PRDM16: variants seen among roughly 807,000 people sequenced by gnomAD.
The protein encoded by PRDM16 is PR/SET domain 16.
PRDM16 carries 23 observed loss-of-function variants against 110.6 expected under a neutral mutation model. That is an observed-to-expected ratio of 0.21 (90% CI 0.15 to 0.29). The LOEUF (loss-of-function observed/expected upper bound fraction) is 0.29. PRDM16 is among the 10% of genes least tolerant of loss of function. PRDM16 has a pLI of 1.00. For synonymous variants in PRDM16, 799 were observed against 781.8 expected (o/e 1.02, Z -0.37); for missense variants, 1,615 against 1,794.3 (o/e 0.90, Z 1.81).
intron 1 of PRDM16, among the ~76,000 whole-genome samples, chr1:3,128,404 T>C (rs1481715344): frequency 6.6e-6 from 1 of 152,220 alleles, no homozygotes; most frequent in Non-Finnish European, 1.5e-5. Context: ...TCCTGCCTTT[T>C]TCTGATCACG....
At position 3,425,785 on chromosome 1, in the gene PRDM16, C is replaced by A; in HGVS notation, c.3109+35C>A. On this transcript the variant is annotated intron_variant, in intron 13 of 16. Transcript: ENST00000270722. The surrounding 1 kb of genome is among the most constrained non-coding windows in gnomAD (Gnocchi z 6.9). ...GCGGGGTGGGGCAGCCCCCAGAGCACCCACACGGGCAGGCCCCACAGAGGG... is the reference window on the plus strand; with the variant it reads ...GCGGGGTGGGGCAGCCCCCAGAGCAACCACACGGGCAGGCCCCACAGAGGG... 3 of 1,610,062 alleles carry A rather than the reference C, an allele frequency of 1.9e-6. No homozygotes were observed. The highest frequency in any genetic ancestry group is 2.5e-6 in the Non-Finnish European group (3 of 1,177,964).
At chr1:3,408,593 T>A (rs1246070100) in intron 8 of PRDM16, among the ~76,000 whole-genome samples, 1 of 126,276 alleles carries the variant, frequency 7.9e-6, no homozygotes, top group Non-Finnish European at 1.6e-5. Flanking sequence ...TGAGTGTGGG[T>A]GTGTGAGCTG....
chr1:3,281,249 T>C (rs986101697), intron 3 of PRDM16, among the ~76,000 whole-genome samples: 1 of 152,230 alleles, frequency 6.6e-6, no homozygotes, highest in Non-Finnish European at 1.5e-5. Flanking sequence ...CTGTGGGCAC[T>C]GTCGCCCAGG....
intron 3 of PRDM16, among the ~76,000 whole-genome samples, chr1:3,352,968 G>T (rs552278779): frequency 6.6e-6 from 1 of 152,186 alleles, no homozygotes; most frequent in East Asian, 1.9e-4. Context: ...TGCAGGCTTC[G>T]GGGCCCATGC....
intron 3 of PRDM16, among the ~76,000 whole-genome samples, chr1:3,293,079 GA>G (rs1478265996): frequency 6.6e-6 from 1 of 152,254 alleles, no homozygotes; most frequent in Non-Finnish European, 1.5e-5. Context: ...CATCGCCCAT[GA>G]GGGCAGGGAC....
In PRDM16 at chr1:3,190,887, G is replaced by A. The variant is rs542644487; in HGVS notation, c.387+4413G>A. On this transcript the variant is annotated intron_variant, in intron 2 of 16. Coordinates refer to ENST00000270722, the MANE Select transcript of PRDM16 (RefSeq NM_022114.4). The surrounding 1 kb of genome is among the most constrained non-coding windows in gnomAD (Gnocchi z 5.0). The stretch of plus-strand genomic sequence containing the variant: ...CGGCTGCCCGGTGACAGCCCAGAGG[G>A]AGGAGGCCATGGGTGAGGCACTGGG... Among the ~76,000 whole-genome samples, 3 of 152,336 alleles carry A rather than the reference G, an allele frequency of 2.0e-5. No individual in the cohort carries two copies. Among genetic ancestry groups the A allele is most frequent in the Admixed American group, 6.5e-5 (1 of 15,310 alleles).
intron 2 of PRDM16, among the ~76,000 whole-genome samples, chr1:3,225,574 G>A (rs1250180882): frequency 1.5e-5 from 2 of 135,116 alleles, no homozygotes; most frequent in African/African-American, 6.7e-5. Flanking sequence ...GTGTGTGTGT[G>A]CGCGCGCGCA....
At chr1:3,262,795 G>A (rs1304416569) in intron 3 of PRDM16, among the ~76,000 whole-genome samples, 1 of 152,172 alleles carries the variant, frequency 6.6e-6, no homozygotes, top group African/African-American at 2.4e-5. Context: ...CACCTGCGGG[G>A]TGCTGCCACG....
At chr1:3,181,705 GTCTT>G (rs1557510133) in intron 1 of PRDM16, among the ~76,000 whole-genome samples, 1,805 of 63,448 alleles carry the variant, frequency 0.028, 100 homozygotes, top group South Asian at 0.055. Flanking sequence ...CTTACACACG[GTCTT>G]ACACACGCAG....
At chr1:3,155,580 G>T (rs796348832) in intron 1 of PRDM16, among the ~76,000 whole-genome samples, 1 of 152,254 alleles carries the variant, frequency 6.6e-6, no homozygotes, top group Non-Finnish European at 1.5e-5. Flanking sequence ...GCGTTGCCGC[G>T]TCTCACCCGG....
chr1:3,284,896 G>A (rs931538347), intron 3 of PRDM16, among the ~76,000 whole-genome samples: 2 of 152,220 alleles, frequency 1.3e-5, no homozygotes, highest in Non-Finnish European at 2.9e-5. Flanking sequence ...GGCAGCTTCC[G>A]AGCTTGGTGC....
In PRDM16 at chr1:3,394,314, G is replaced by C. The variant is rs1248089987; in HGVS notation, c.574-2177G>C. On this transcript the variant is annotated intron_variant, in intron 4 of 16. Transcript: ENST00000270722. Reference sequence around the variant, plus strand: ...TTGGGGTGTGGATCCCGGGAGGCTCGGAGGCGCTCGGAGGCTCTCGGAGGG... The same window carrying C: ...TTGGGGTGTGGATCCCGGGAGGCTCCGAGGCGCTCGGAGGCTCTCGGAGGG... Among the ~76,000 whole-genome samples, 3 of 150,270 alleles carry C rather than the reference G, an allele frequency of 2.0e-5. No individual in the cohort carries two copies. The East Asian group carries it at 6.0e-4, about 30-fold the overall frequency.
intron 3 of PRDM16, among the ~76,000 whole-genome samples, chr1:3,262,177 A>G (rs1459629026): frequency 3.3e-5 from 5 of 152,278 alleles, no homozygotes; most frequent in Non-Finnish European, 7.3e-5. Context: ...AGTGAGGGGC[A>G]TTGAACCCAG....
intron 1 of PRDM16, among the ~76,000 whole-genome samples, chr1:3,182,651 G>A (rs776171057): frequency 6.6e-5 from 10 of 152,166 alleles, no homozygotes; most frequent in South Asian, 4.1e-4. Context: ...AGAGGTCACC[G>A]TGGGCTCCCA....
At chr1:3,195,677 C>A (rs538782784) in intron 2 of PRDM16, among the ~76,000 whole-genome samples, 3 of 152,044 alleles carry the variant, frequency 2.0e-5, no homozygotes, top group African/African-American at 7.2e-5. Context: ...ATCAGGGCTG[C>A]CAGCCTGAAA....
chr1:3,111,322 G>C, intron 1 of PRDM16, among the ~76,000 whole-genome samples: 1 of 152,072 alleles, frequency 6.6e-6, no homozygotes, highest in Non-Finnish European at 1.5e-5. Context: ...TCCTGCACTG[G>C]GCAGTGGGGG....
intron 2 of PRDM16, among the ~76,000 whole-genome samples, chr1:3,224,550 C>T (rs1639243536): frequency 6.6e-6 from 1 of 152,222 alleles, no homozygotes; most frequent in African/African-American, 2.4e-5. Flanking sequence ...TCCACACGCG[C>T]TCGGGGCTTC....
rs1406921639 is a variant in PRDM16 at position 3,246,971 on chromosome 1, GGTA to G, written c.438+2835_438+2837del. On this transcript the variant is annotated intron_variant, in intron 3 of 16. Coordinates refer to ENST00000270722, the MANE Select transcript of PRDM16 (RefSeq NM_022114.4). This position sits in a 1 kb window ranked among gnomAD's most constrained non-coding sequence, Gnocchi z 5.2. ...AACAAATGCGCCACTTAGAGCTGTT[GGTA>G]TAGGTGCGATGTGTGGATTGCTGCC... Among the ~76,000 whole-genome samples, 2 of 152,146 alleles carry G rather than the reference GGTA, an allele frequency of 1.3e-5. No individual in the cohort carries two copies. Among genetic ancestry groups the G allele is most frequent in the Non-Finnish European group, 2.9e-5 (2 of 68,022 alleles).
At chr1:3,270,745 G>T (rs950658888) in intron 3 of PRDM16, among the ~76,000 whole-genome samples, 4 of 148,904 alleles carry the variant, frequency 2.7e-5, no homozygotes, top group Non-Finnish European at 1.5e-5. Context: ...CCCAAAGGAT[G>T]ACAGTCAGGA....
Sources: gnomAD v4.1 joint callset for allele counts (sites outside exome capture counted in the v4.1 genomes callset) on GRCh38, gnomAD v4.1.1 for gene constraint, Gnocchi (gnomAD v3.1) non-coding constraint, MANE v1.5 for transcripts, NCBI Gene and HGNC (gene_info 2026-07-23, HGNC 2026-07-21) for gene names.